The following UGT1A3 variants were observed in gnomAD, a reference collection of about 807,000 sequenced individuals.
UGT1A3 encodes UDP-glucuronosyltransferase 1A3.
UGT1A3 carries 31 observed loss-of-function variants against 41.0 expected under a neutral mutation model. The ratio of observed to expected loss-of-function variants is 0.76; its 90% CI spans 0.57 to 1.02. The LOEUF is 1.02. Ranked by LOEUF, UGT1A3 falls within the 50% of genes least tolerant of loss-of-function variation. The pLI, the probability that UGT1A3 is intolerant of heterozygous loss-of-function variation, is 0.00. For missense variants in UGT1A3, 737 were observed against 671.0 expected, an observed-to-expected ratio of 1.10 and a Z score of -1.09; for synonymous variants, 262 against 257.6, an observed-to-expected ratio of 1.02 and a Z score of -0.17.
intron 1 of UGT1A3, among the ~76,000 whole-genome samples, chr2:233,742,133 C>T (rs1691882264): frequency 6.6e-6 from 1 of 151,894 alleles, no homozygotes; most frequent in African/African-American, 2.4e-5. Context: ...GAGACCCTAA[C>T]CCAGCAGCGC....
chr2:233,737,176 C>CG (rs2078848522), intron 1 of UGT1A3, among the ~76,000 whole-genome samples: 1 of 152,196 alleles, frequency 6.6e-6, no homozygotes, highest in South Asian at 2.1e-4. Context: ...GAGTCTATAG[C>CG]GGCAGTAGCC....
At chr2:233,753,773 C>G (rs1417094785) in intron 1 of UGT1A3, 1 of 152,234 alleles carries the variant, frequency 6.6e-6, no homozygotes, top group East Asian at 1.9e-4. Flanking sequence ...TTTGGAAACG[C>G]TTTTCTTTAC....
chr2:233,761,974 C>T (rs914774281), intron 1 of UGT1A3, among the ~76,000 whole-genome samples: 3 of 152,214 alleles, frequency 2.0e-5, no homozygotes, highest in African/African-American at 7.2e-5. Context: ...CTGATATCAC[C>T]TTCGGAGGTG....
intron 2 of UGT1A3, 51 bp from the exon 3 acceptor site, chr2:233,767,798 C>G (rs1319499928): frequency 6.2e-7 from 1 of 1,614,062 alleles, no homozygotes; most frequent in Admixed American, 1.7e-5. Context: ...GATTTGTTTT[C>G]TAATCATATT....
intron 4 of UGT1A3, 35 bp downstream of exon 4, chr2:233,768,474 T>C (rs1361024311): frequency 6.3e-7 from 1 of 1,597,622 alleles, no homozygotes; most frequent in Non-Finnish European, 8.5e-7. Flanking sequence ...ACTTTGGTCA[T>C]GGCATTCATG....
chr2:233,731,410 T>C (rs2078155663), intron 1 of UGT1A3, among the ~76,000 whole-genome samples: 1 of 152,132 alleles, frequency 6.6e-6, no homozygotes. Flanking sequence ...ACATTAGGTA[T>C]TTTTCCTAAT....
chr2:233,730,435 C>G (rs1237158749), intron 1 of UGT1A3, among the ~76,000 whole-genome samples: 2 of 152,178 alleles, frequency 1.3e-5, no homozygotes, highest in African/African-American at 2.4e-5. Flanking sequence ...GTTGTCCCAT[C>G]TTGCAAATGA....
chr2:233,743,502 T>C (rs1233244952), intron 1 of UGT1A3: 12 of 1,366,994 alleles, frequency 8.8e-6, no homozygotes, highest in African/African-American at 1.5e-5. Context: ...AGAAAAGGGG[T>C]GCAGACGCTC....
Position 233,767,861 on chromosome 2 carries a change from T to C in UGT1A3, c.1012T>C (p.Tyr338His). The C allele has an allele frequency of 1.9e-6, 3 of 1,614,194 alleles. No homozygotes were observed. In the South Asian group the frequency reaches 3.3e-5, roughly 18 times the overall value. ...TTGCCCCTCCCAGGTCCTGTGGCGG[T>C]ACACTGGAACCCGACCATCGAATCT... is the stretch of plus-strand genomic sequence containing the variant. ...GKIPQTVLWR[Y>H]TGTRPSNLAN... The change falls in exon 3 of 5, where the codon TAC becomes CAC. Residue 338 changes from tyrosine to histidine, a missense_variant. Transcript: ENST00000482026.
intron 2 of UGT1A3, among the ~76,000 whole-genome samples, chr2:233,767,385 C>T (rs930276020): frequency 1.6e-4 from 25 of 152,084 alleles, no homozygotes; most frequent in African/African-American, 5.8e-4. Context: ...CCACCACACT[C>T]AGAAGTATCA....
chr2:233,736,247 TA>T (rs1432659624), intron 1 of UGT1A3, among the ~76,000 whole-genome samples: 1 of 152,216 alleles, frequency 6.6e-6, no homozygotes, highest in Non-Finnish European at 1.5e-5. Context: ...CTTCTCACTT[TA>T]TTTCATTAAT....
intron 1 of UGT1A3, chr2:233,747,664 T>C (rs942017762): frequency 1.4e-5 from 23 of 1,600,812 alleles, no homozygotes; most frequent in South Asian, 1.4e-4. Flanking sequence ...GTGGTTTTAA[T>C]AGACCCAATT....
At chr2:233,739,962 A>G (rs1691266437) in intron 1 of UGT1A3, among the ~76,000 whole-genome samples, 1 of 151,874 alleles carries the variant, frequency 6.6e-6, no homozygotes, top group Non-Finnish European at 1.5e-5. Flanking sequence ...AGCTGATTGA[A>G]TCATATCGGC....
chr2:233,755,095 C>A, intron 1 of UGT1A3: 1 of 1,334,726 alleles, frequency 7.5e-7, no homozygotes, highest in Non-Finnish European at 1.0e-6. Context: ...CGTTTCTACG[C>A]GTCCGACAAC....
chr2:233,730,328 C>T (rs1363766839), intron 1 of UGT1A3, among the ~76,000 whole-genome samples: 2 of 152,106 alleles, frequency 1.3e-5, no homozygotes, highest in African/African-American at 2.4e-5. Context: ...AGGGACACTA[C>T]GTTTGGAACT....
chr2:233,747,281 A>G, intron 1 of UGT1A3: 1 of 1,599,850 alleles, frequency 6.3e-7, no homozygotes, highest in Non-Finnish European at 8.5e-7. Context: ...CTCAGTGCCC[A>G]GCCCTGGGCT....
chr2:233,767,827 C>T (rs1252355867), intron 2 of UGT1A3, 22 bp from the exon 3 acceptor site: 1 of 1,614,176 alleles, frequency 6.2e-7, no homozygotes, highest in Non-Finnish European at 8.5e-7. Flanking sequence ...TCTTTACGTT[C>T]TGCTCTTTTT....
chr2:233,771,824 C>T (rs981905786), intron 4 of UGT1A3, among the ~76,000 whole-genome samples: 9 of 144,512 alleles, frequency 6.2e-5, no homozygotes, highest in Non-Finnish European at 1.4e-4. Context: ...TCCTTGCTTC[C>T]TTCCCTCCTT....
At chr2:233,746,978 G>A (rs1312298937) in intron 1 of UGT1A3, among the ~76,000 whole-genome samples, 2 of 151,796 alleles carry the variant, frequency 1.3e-5, no homozygotes, top group Non-Finnish European at 2.9e-5. Flanking sequence ...CCCAGAGCGA[G>A]CGCAGGGTCA....
Sources: allele counts gnomAD v4.1 joint callset (sites outside exome capture counted in the v4.1 genomes callset), GRCh38; gene constraint gnomAD v4.1.1; transcripts MANE v1.5; gene names NCBI Gene and HGNC (gene_info 2026-07-23, HGNC 2026-07-21).